The following FCHO2 variants were observed in gnomAD, a reference collection of about 807,000 sequenced individuals.
FCHO2 encodes FCH and mu domain containing endocytic adaptor 2.
FCHO2 carries 43 observed loss-of-function variants against 114.1 expected under a neutral mutation model. The ratio of observed to expected loss-of-function variants is 0.38; its 90% confidence interval spans 0.30 to 0.49. The LOEUF is 0.49. Among genes scored for constraint, FCHO2 ranks in the 20% least tolerant of loss-of-function variants. The probability of loss-of-function intolerance (pLI) is 0.97; values close to 1 mark genes in which losing one functional copy is unlikely to be tolerated. For missense variants in FCHO2, 807 were observed against 950.4 expected (o/e 0.85, Z 1.98); for synonymous variants, 293 against 315.2 (o/e 0.93, Z 0.75).
intron 1 of FCHO2, among the ~76,000 whole-genome samples, chr5:72,958,150 T>C (rs1751656205): frequency 6.6e-6 from 1 of 152,174 alleles, no homozygotes; most frequent in Non-Finnish European, 1.5e-5. Flanking sequence ...TGCTGCTCTT[T>C]GAAGTAACTC....
At chr5:73,080,463 G>A (rs1743057719) in intron 22 of FCHO2, among the ~76,000 whole-genome samples, 2 of 152,118 alleles carry the variant, frequency 1.3e-5, no homozygotes, top group Non-Finnish European at 1.5e-5. Flanking sequence ...ATTCGCTGTA[G>A]CATTGTTTAG....
intron 1 of FCHO2, among the ~76,000 whole-genome samples, chr5:72,967,080 G>A (rs1752243113): frequency 6.6e-6 from 1 of 152,212 alleles, no homozygotes; most frequent in African/African-American, 2.4e-5. Context: ...GAGGCCAGGA[G>A]TTCGAGACCT....
intron 5 of FCHO2, chr5:72,996,830 C>A: frequency 2.3e-6 from 2 of 876,556 alleles, no homozygotes; most frequent in Non-Finnish European, 1.8e-6. Flanking sequence ...GCCGTTCCCC[C>A]TCCCGGCAAC....
chr5:72,996,789 C>T lies in FCHO2; in HGVS notation c.495+5925C>T, dbSNP rs1182758336. ...TTTCTGAGCCGCTTGCTCCATACCC[C>T]TCTCTGCAGCCTCTCCTGCCACTTA... On this transcript the variant is annotated intron_variant, in intron 5 of 25. Coordinates refer to ENST00000430046, the MANE Select transcript of FCHO2 (RefSeq NM_138782.3). 1.7e-5 allele frequency: 11 copies of T among 647,322 alleles called. No individual in the cohort carries two copies. The Admixed American group carries it at 2.7e-4, about 16-fold the overall frequency. 40.1% of individuals were successfully genotyped at this position (647,322 alleles called of 1,614,324 possible).
At chr5:73,048,285 A>G (rs1757161269) in intron 11 of FCHO2, among the ~76,000 whole-genome samples, 1 of 151,994 alleles carries the variant, frequency 6.6e-6, no homozygotes, top group African/African-American at 2.4e-5. Flanking sequence ...CCCTGTGTCT[A>G]TTAAAAATAC....
chr5:73,002,950 G>T (rs1233952052), intron 5 of FCHO2, among the ~76,000 whole-genome samples: 1 of 152,124 alleles, frequency 6.6e-6, no homozygotes, highest in African/African-American at 2.4e-5. Flanking sequence ...GCTATTAAAA[G>T]AAATTTATTT....
intron 2 of FCHO2, among the ~76,000 whole-genome samples, chr5:72,984,739 C>A (rs1753412184): frequency 6.6e-6 from 1 of 152,044 alleles, no homozygotes; most frequent in Non-Finnish European, 1.5e-5. Context: ...CTCAAATGAT[C>A]CTCCCACTCC....
chr5:72,988,251 A>G (rs1436939147), intron 2 of FCHO2, among the ~76,000 whole-genome samples: 1 of 152,160 alleles, frequency 6.6e-6, no homozygotes, highest in Non-Finnish European at 1.5e-5. Flanking sequence ...CAGCCTGACC[A>G]ATATGGTGAA....
intron 5 of FCHO2, among the ~76,000 whole-genome samples, chr5:72,992,574 T>G (rs1753864797): frequency 6.6e-6 from 1 of 152,108 alleles, no homozygotes; most frequent in Non-Finnish European, 1.5e-5. Context: ...ACAAAGAGCC[T>G]GGCTCATTGC....
intron 7 of FCHO2, among the ~76,000 whole-genome samples, chr5:73,016,815 T>C (rs2112744674): frequency 6.6e-6 from 1 of 152,280 alleles, no homozygotes; most frequent in African/African-American, 2.4e-5. Context: ...GAGGATCACT[T>C]GAGTCCAGGA....
chr5:73,079,421 A>C (rs538094584), intron 22 of FCHO2, among the ~76,000 whole-genome samples: 1 of 152,302 alleles, frequency 6.6e-6, no homozygotes, highest in African/African-American at 2.4e-5. Context: ...GAATAAATGG[A>C]AAATTGTTTA....
chr5:73,053,042 T>C (rs1757408754), intron 13 of FCHO2, among the ~76,000 whole-genome samples: 1 of 152,174 alleles, frequency 6.6e-6, no homozygotes, highest in Admixed American at 6.5e-5. Flanking sequence ...ATTATCCCAG[T>C]AAATTTTTTC....
At chr5:73,084,300 C>T (rs577290339) in intron 24 of FCHO2, among the ~76,000 whole-genome samples, 15 of 152,242 alleles carry the variant, frequency 9.9e-5, no homozygotes, top group Admixed American at 2.0e-4. Flanking sequence ...GAGCCTTGCT[C>T]TGTTGCCCAC....
At chr5:73,081,750 C>CA in intron 22 of FCHO2, 33 bp from the exon 23 acceptor site, 1 of 1,418,976 alleles carries the variant, frequency 7.0e-7, no homozygotes, top group Non-Finnish European at 9.3e-7. Context: ...CTTTTCAGGC[C>CA]AAAAACAATT....
At chr5:72,981,480 A>T (rs183015216) in intron 2 of FCHO2, among the ~76,000 whole-genome samples, 3 of 152,244 alleles carry the variant, frequency 2.0e-5, no homozygotes, top group Admixed American at 2.0e-4. Context: ...CCTGAATTTG[A>T]ATGTTGGCCT....
Position 73,058,472 on chromosome 5 carries a change from T to A in FCHO2, c.1293T>A (p.Phe431Leu). The change falls in exon 17 of 26, where the codon TTT becomes TTA. Residue 431 changes from phenylalanine (F) to leucine (L), a missense_variant. Physicochemically the swap from Phe to Leu is conservative, Grantham distance 22. Transcript: ENST00000430046. ...TSDLLAWDPL[F>L]GPSLDSSSSS... ...ATTTACTTGCTTGGGACCCCCTATT[T>A]GGACCATCTCTTGATTCATCTTCTT... The A allele has an allele frequency of 6.3e-7, 1 of 1,575,210 alleles. No homozygotes were observed. The highest frequency in any genetic ancestry group is 1.7e-5 in the Admixed American group (1 of 57,206).
At chr5:72,957,007 C>G (rs1461519667) in intron 1 of FCHO2, among the ~76,000 whole-genome samples, 1 of 152,066 alleles carries the variant, frequency 6.6e-6, no homozygotes, top group Non-Finnish European at 1.5e-5. Context: ...GCAAGTACTG[C>G]AGGTCCATTT....
rs767917290 is a variant in FCHO2, at chr5:73,074,723, T to C, written c.1580-19T>C. 1.3e-6 allele frequency: 2 copies of C among 1,597,550 alleles called. No homozygotes were observed. Among genetic ancestry groups the C allele is most frequent in the Non-Finnish European group, 1.7e-6 (2 of 1,168,478 alleles). ...ATGTCTTTCTGAAGGATTTAACAAG[T>C]TAATTGTGTATATTCTAGGTGTGTC... is the stretch of plus-strand genomic sequence containing the variant. On this transcript the variant is annotated intron_variant, in intron 19 of 25. Coordinates refer to ENST00000430046, the MANE Select transcript of FCHO2 (RefSeq NM_138782.3).
intron 11 of FCHO2, among the ~76,000 whole-genome samples, chr5:73,044,187 G>C (rs1197139352): frequency 1.3e-5 from 2 of 152,138 alleles, no homozygotes. Flanking sequence ...ACAGCCTGTA[G>C]AACTGTGAAC....
Sources: allele counts gnomAD v4.1 joint callset (sites outside exome capture counted in the v4.1 genomes callset), GRCh38; gene constraint gnomAD v4.1.1; transcripts MANE v1.5; gene names NCBI Gene and HGNC (gene_info 2026-07-23, HGNC 2026-07-21).